The following CDC42BPA variants were observed in gnomAD, a reference collection of about 807,000 sequenced individuals.
CDC42BPA encodes the protein serine/threonine-protein kinase MRCK alpha.
A neutral mutation model predicts 223.5 loss-of-function variants in CDC42BPA; 80 were observed. The ratio of observed to expected loss-of-function variants is 0.36; its 90% CI spans 0.30 to 0.43. The LOEUF is 0.43. Ranked by LOEUF, CDC42BPA falls within the 20% of genes least tolerant of loss-of-function variation. The probability of loss-of-function intolerance (pLI) is 1.00; values close to 1 mark genes in which losing one functional copy is unlikely to be tolerated. For missense variants in CDC42BPA, 1,743 were observed against 2,099.9 expected, an observed-to-expected ratio of 0.83 and a Z score of 3.32; for synonymous variants, 694 against 718.6, an observed-to-expected ratio of 0.97 and a Z score of 0.55.
At chr1:227,088,963 C>T (rs950672872) in intron 16 of CDC42BPA, among the ~76,000 whole-genome samples, 3 of 152,134 alleles carry the variant, frequency 2.0e-5, no homozygotes, top group Admixed American at 6.6e-5. Context: ...TGACGTCAAG[C>T]GATCTGCCCG....
At chr1:227,207,048 A>T (rs1672866007) in intron 3 of CDC42BPA, among the ~76,000 whole-genome samples, 2 of 149,222 alleles carry the variant, frequency 1.3e-5, no homozygotes, top group African/African-American at 4.9e-5. Flanking sequence ...GTCATTTAGC[A>T]TTAGGTATAT....
intron 10 of CDC42BPA, among the ~76,000 whole-genome samples, chr1:227,129,602 G>C (rs1656567232): frequency 6.9e-6 from 1 of 144,220 alleles, no homozygotes; most frequent in Non-Finnish European, 1.5e-5. Context: ...CGGAGGTTGA[G>C]GTGGTAGTGA....
At chr1:227,070,447 A>G (rs1211180219) in intron 20 of CDC42BPA, among the ~76,000 whole-genome samples, 1 of 151,878 alleles carries the variant, frequency 6.6e-6, no homozygotes, top group Admixed American at 6.6e-5. Context: ...TAAATGCACA[A>G]TTTCCCAAGT....
In CDC42BPA at chr1:227,100,747, A is replaced by AGTGTGTGTGTGTGTGTGTGTGT. The variant is rs57210205; in HGVS notation, c.2249+223_2249+244dup. Among the ~76,000 whole-genome samples, 1,034 of 137,350 alleles carry AGTGTGTGTGTGTGTGTGTGTGT rather than the reference A, an allele frequency of 7.5e-3. 9 individuals are homozygous for AGTGTGTGTGTGTGTGTGTGTGT. Among genetic ancestry groups the AGTGTGTGTGTGTGTGTGTGTGT allele is most frequent in the Non-Finnish European group, 9.6e-3 (612 of 63,688 alleles). 90.1% of individuals were successfully genotyped at this position (137,350 alleles called of 152,430 possible). A position where few individuals can be genotyped will look rare whatever the true frequency, so the allele number is the denominator to read the frequency against. On this transcript the variant is annotated intron_variant, in intron 15 of 36. Transcript: ENST00000366766. ...TGTGTGTCTGCCATCATACCCAGCT[A>AGTGTGTGTGTGTGTGTGTGTGT]GTGTGTGTGTGTGTGTGTGTGTGTG...
rs138414640 is a variant in CDC42BPA, at chr1:227,252,122, A to G, written c.270+1942T>C. On this transcript the variant is annotated intron_variant, in intron 2 of 36. Transcript: ENST00000366766. ...ATCAATGCTATTTTGAAAAATCAGA[A>G]AAAGAATAGCAAGATAAAACCAAAG... Among the ~76,000 whole-genome samples, 608 of 152,240 alleles carry G rather than the reference A, an allele frequency of 4.0e-3. 5 individuals carry two copies. Among genetic ancestry groups the G allele is most frequent in the African/African-American group, 0.014 (577 of 41,586 alleles).
chr1:227,239,756 A>G (rs948062545), intron 2 of CDC42BPA, among the ~76,000 whole-genome samples: 1 of 152,150 alleles, frequency 6.6e-6, no homozygotes, highest in Non-Finnish European at 1.5e-5. Context: ...ACAGAAGACA[A>G]TATCTTCAAT....
At chr1:227,083,063 G>T (rs1159289432) in intron 16 of CDC42BPA, among the ~76,000 whole-genome samples, 4 of 152,024 alleles carry the variant, frequency 2.6e-5, no homozygotes, top group Non-Finnish European at 5.9e-5. Flanking sequence ...AGGGTTTGTG[G>T]TATTTCTTGA....
chr1:227,300,287 C>T (rs541508197), intron 1 of CDC42BPA, among the ~76,000 whole-genome samples: 4 of 152,158 alleles, frequency 2.6e-5, no homozygotes, highest in African/African-American at 9.6e-5. Flanking sequence ...AGTATATCTA[C>T]CATTTGATCC....
At chr1:227,252,376 T>C (rs1280244948) in intron 2 of CDC42BPA, among the ~76,000 whole-genome samples, 2 of 152,150 alleles carry the variant, frequency 1.3e-5, no homozygotes, top group African/African-American at 4.8e-5. Flanking sequence ...TTTATTTCCA[T>C]TAAAGAAATT....
chr1:227,113,087 T>C (rs912344584), intron 12 of CDC42BPA, among the ~76,000 whole-genome samples, 174 bp from the exon 13 acceptor site: 15 of 152,204 alleles, frequency 9.9e-5, no homozygotes, highest in Non-Finnish European at 4.4e-5. Context: ...CCTGATATAG[T>C]CTCAATTCCT....
intron 1 of CDC42BPA, among the ~76,000 whole-genome samples, chr1:227,301,081 A>C (rs1055957502): frequency 1.2e-4 from 18 of 149,358 alleles, no homozygotes; most frequent in African/African-American, 4.1e-4. Flanking sequence ...GTGTTCACAG[A>C]AGTATCTGTG....
intron 21 of CDC42BPA, chr1:227,059,395 G>A: frequency 6.4e-7 from 1 of 1,564,018 alleles, no homozygotes; most frequent in South Asian, 1.2e-5. Flanking sequence ...GCTAGCTGGA[G>A]TACAGGATGG....
intron 17 of CDC42BPA, among the ~76,000 whole-genome samples, chr1:227,076,516 CA>C (rs1679518627): frequency 6.6e-6 from 1 of 152,194 alleles, no homozygotes. Context: ...CTCAGCCTCC[CA>C]AAGTGCTGGG....
chr1:227,092,533 C>A (rs913487961), intron 15 of CDC42BPA, among the ~76,000 whole-genome samples: 2 of 152,150 alleles, frequency 1.3e-5, no homozygotes, highest in Non-Finnish European at 2.9e-5. Flanking sequence ...AAATTAGATA[C>A]TTTTCTTTGT....
intron 35 of CDC42BPA, chr1:227,004,770 T>A: frequency 1.6e-6 from 1 of 615,772 alleles, no homozygotes; most frequent in Non-Finnish European, 3.0e-6. Context: ...CATATTTGTC[T>A]GTCTCCCAGA....
At chr1:227,166,036 T>C (rs1664975989) in intron 5 of CDC42BPA, among the ~76,000 whole-genome samples, 1 of 152,234 alleles carries the variant, frequency 6.6e-6, no homozygotes, top group South Asian at 2.1e-4. Flanking sequence ...CAATATATTT[T>C]AGTCCAAACA....
chr1:227,065,032 G>A (rs1209195525), intron 21 of CDC42BPA, among the ~76,000 whole-genome samples: 4 of 152,082 alleles, frequency 2.6e-5, no homozygotes, highest in Non-Finnish European at 4.4e-5. Flanking sequence ...GGGAGGCGGA[G>A]CTTGCAGTGA....
At chr1:227,005,652 C>A (rs151284662) in intron 34 of CDC42BPA, among the ~76,000 whole-genome samples, 133 of 152,314 alleles carry the variant, frequency 8.7e-4, no homozygotes, top group Admixed American at 1.3e-3. Flanking sequence ...AAATAAGACG[C>A]TGCAATACTC....
chr1:226,990,022 A>G lies in CDC42BPA; in HGVS notation c.*4246T>C, dbSNP rs1002883449. The G allele has an allele frequency of 3.9e-5, 6 of 152,574 alleles. No homozygotes were observed. The highest frequency in any genetic ancestry group is 5.9e-5 in the Non-Finnish European group (4 of 68,022). The allele number at this position is 152,574 out of a possible 1,614,324, so 9.5% of individuals were successfully genotyped here. On this transcript the variant is annotated 3_prime_UTR_variant, in exon 37 of 37. Transcript: ENST00000366766. ...CCACATCATTGTTTGGTAGCAGAGG[A>G]TCTCTTAAAAAGTTCCCTAAGACAC...
Sources: gnomAD v4.1 joint callset for allele counts (sites outside exome capture counted in the v4.1 genomes callset) on GRCh38, gnomAD v4.1.1 for gene constraint, MANE v1.5 for transcripts, NCBI Gene and HGNC (gene_info 2026-07-23, HGNC 2026-07-21) for gene names.